BSG: variants seen among roughly 807,000 people sequenced by gnomAD.
BSG encodes the protein basigin.
A neutral mutation model predicts 43.1 loss-of-function variants in BSG; 37 were observed. That is an observed-to-expected ratio of 0.86 (90% CI 0.66 to 1.13). BSG has a LOEUF of 1.13. BSG is among the 50% of genes most tolerant of loss of function. The probability of loss-of-function intolerance (pLI) is 0.00; values close to 1 mark genes in which losing one functional copy is unlikely to be tolerated. For synonymous variants in BSG, 309 were observed against 238.7 expected (o/e 1.29, Z -2.72); for missense variants, 599 against 554.2 (o/e 1.08, Z -0.81).
At chr19:572,242 G>A (rs1981301716), upstream of BSG, 2 of 343,592 alleles carry the variant, frequency 5.8e-6, no homozygotes, top group African/African-American at 2.2e-5. Context: ...GCCGGCCCGT[G>A]TTTAACTCAG....
Position 582,867 on chromosome 19 carries a change from T to C in BSG, c.*123T>C, listed in dbSNP as rs1982459458. 1 of 495,446 alleles carries C rather than the reference T, an allele frequency of 2.0e-6. No individual in the cohort carries two copies. The highest frequency in any genetic ancestry group is 3.8e-5 in the Admixed American group (1 of 26,188). 30.7% of individuals were successfully genotyped at this position (495,446 alleles called of 1,614,324 possible). The stretch of plus-strand genomic sequence containing the variant: ...AAACCCACCCCGTAGATTCCCATCA[T>C]ACACTTCCTTCTTTTTTAAAAAAGT... On this transcript the variant is annotated 3_prime_UTR_variant, in exon 9 of 9. Transcript: ENST00000333511.
intron 2 of BSG, 104 bp downstream of exon 2, chr19:578,225 G>A (rs937077690): frequency 1.1e-4 from 136 of 1,208,400 alleles, no homozygotes; most frequent in Middle Eastern, 2.2e-4. Context: ...TCCCCTCTCC[G>A]TCCCGCTGTG....
chr19:578,449 T>C (rs1981980970), intron 2 of BSG, among the ~76,000 whole-genome samples: 1 of 152,256 alleles, frequency 6.6e-6, no homozygotes, highest in Non-Finnish European at 1.5e-5. Context: ...GCGTCCATAC[T>C]GCAAGCCTGA....
intron 1 of BSG, among the ~76,000 whole-genome samples, chr19:574,038 T>C (rs1358150173): frequency 7.1e-6 from 1 of 140,406 alleles, no homozygotes; most frequent in Non-Finnish European, 1.5e-5. Context: ...GTGGATCACC[T>C]GAGGTCAGGA....
At chr19:578,293 C>T (rs1408946595) in intron 2 of BSG, 172 bp downstream of exon 2, 17 of 631,316 alleles carry the variant, frequency 2.7e-5, no homozygotes, top group African/African-American at 3.8e-5. Context: ...GTGGGCTCGC[C>T]GCCTGACCAC....
At chr19:572,461 C>A (rs561149009), upstream of BSG, 1 of 1,161,178 alleles carries the variant, frequency 8.6e-7, no homozygotes, top group Admixed American at 4.7e-5. Context: ...CGCGTACATG[C>A]GAGCGTGTGC....
At chr19:574,604 G>A (rs1981602467) in intron 1 of BSG, among the ~76,000 whole-genome samples, 1 of 152,190 alleles carries the variant, frequency 6.6e-6, no homozygotes, top group Non-Finnish European at 1.5e-5. Context: ...GGAACAAGGT[G>A]CAGAGCTGGA....
At position 581,069 on chromosome 19, in the gene BSG, CA is replaced by C. The variant is rs71334826; in HGVS notation, c.793-245del. 7.6e-4 allele frequency among the ~76,000 whole-genome samples: 52 copies of C among 68,046 alleles called. 14 individuals carry two copies. Among genetic ancestry groups the C allele is most frequent in the African/African-American group, 4.5e-3 (49 of 10,892 alleles). 44.6% of individuals were successfully genotyped at this position (68,046 alleles called of 152,430 possible). A position where few individuals can be genotyped will look rare whatever the true frequency, so the allele number is the denominator to read the frequency against. ...CCCAGCCCTCTGGACTGCAGCCCTC[CA>C]GACTGGGTGAGGGGCCTAGACTGGG... On this transcript the variant is annotated intron_variant, in intron 5 of 8. Coordinates refer to ENST00000333511, the MANE Select transcript of BSG (RefSeq NM_001728.4).
intron 7 of BSG, 45 bp from the exon 8 acceptor site, chr19:582,469 G>T (rs1157018339): frequency 6.2e-7 from 1 of 1,602,788 alleles, no homozygotes; most frequent in East Asian, 2.2e-5. Context: ...CTTGGAGAGA[G>T]TGACTTGCGG....
At position 580,671 on chromosome 19, in the gene BSG, G is replaced by C; in HGVS notation, c.681G>C (p.Lys227Asn). The C allele has an allele frequency of 6.2e-7, 1 of 1,612,876 alleles. No homozygotes were observed. Among genetic ancestry groups the C allele is most frequent in the Non-Finnish European group, 8.5e-7 (1 of 1,179,978 alleles). The stretch of plus-strand genomic sequence containing the variant: ...GGCCTCCCAGAGTGAAGGCTGTGAA[G>C]TCGTCAGAACACATCAACGAGGGGG... ...LHGPPRVKAV[K>N]SSEHINEGET... Residue 227 changes from lysine (K) to asparagine (N), a missense_variant, in exon 5 of 9, where the codon AAG becomes AAC. By Grantham distance (94) the Lys-to-Asn change is moderately conservative. Transcript: ENST00000333511.
In BSG at chr19:576,759, AAAAG is replaced by A. The variant is rs1385126087; in HGVS notation, c.68-1012_68-1009del. On this transcript the variant is annotated intron_variant, in intron 1 of 8. Transcript: ENST00000333511. ...GTGAGACTCTGTCTCAAAAAAAAAA[AAAAG>A]AAGAAGAGGAGAAAGAAAATGGCGC... Among the ~76,000 whole-genome samples, 58 of 140,518 alleles carry A rather than the reference AAAAG, an allele frequency of 4.1e-4. No homozygotes were observed. The South Asian group carries it at 4.7e-3, about 11-fold the overall frequency. 92.2% of individuals were successfully genotyped at this position (140,518 alleles called of 152,430 possible).
At chr19:575,998 G>A (rs889639193) in intron 1 of BSG, among the ~76,000 whole-genome samples, 6 of 152,166 alleles carry the variant, frequency 3.9e-5, no homozygotes, top group South Asian at 4.1e-4. Flanking sequence ...ATCAGCATCC[G>A]GAGGGACACA....
In BSG at chr19:579,676, A is replaced by T. The variant is rs1982113697; in HGVS notation, c.572+20A>T. On this transcript the variant is annotated intron_variant, in intron 3 of 8. Coordinates refer to ENST00000333511, the MANE Select transcript of BSG (RefSeq NM_001728.4). ...GTTCAAGTGAGTGCCTGACCACGCC[A>T]TGCCGCCACCTGCCCCTTCTCACGG... 1 of 1,589,174 alleles carries T rather than the reference A, an allele frequency of 6.3e-7. No homozygotes were observed. Among genetic ancestry groups the T allele is most frequent in the African/African-American group, 1.3e-5 (1 of 74,528 alleles).
In BSG at chr19:581,295, C is replaced by G. The variant is rs750147115; in HGVS notation, c.793-20C>G. ...CTAGACTGGGGGTCCTGGACTCAGCCCTTGCCTTTGGTCCCCTAGGCCCTC... is the reference window on the plus strand; with the variant it reads ...CTAGACTGGGGGTCCTGGACTCAGCGCTTGCCTTTGGTCCCCTAGGCCCTC... On this transcript the variant is annotated intron_variant, in intron 5 of 8. Coordinates refer to ENST00000333511, the MANE Select transcript of BSG (RefSeq NM_001728.4). The G allele has an allele frequency of 1.2e-6, 2 of 1,603,518 alleles. No individual in the cohort carries two copies. Among genetic ancestry groups the G allele is most frequent in the Non-Finnish European group, 1.7e-6 (2 of 1,173,964 alleles).
At chr19:574,995 G>A (rs537692667) in intron 1 of BSG, 1 of 152,408 alleles carries the variant, frequency 6.6e-6, no homozygotes, top group Admixed American at 6.5e-5. Flanking sequence ...GTGGGTGAAA[G>A]ACCTTTGGTC....
At chr19:582,478 G>T (rs746705330) in intron 7 of BSG, 36 bp from the exon 8 acceptor site, 119 of 1,604,076 alleles carry the variant, frequency 7.4e-5, no homozygotes, top group Non-Finnish European at 9.7e-5. Flanking sequence ...AGTGACTTGC[G>T]GGGGACACCC....
At chr19:574,572 AT>A (rs1849999174) in intron 1 of BSG, among the ~76,000 whole-genome samples, 3 of 152,036 alleles carry the variant, frequency 2.0e-5, no homozygotes, top group Non-Finnish European at 2.9e-5. Flanking sequence ...CAAAAAAAAA[AT>A]TTATTGTGAC....
rs1459428172 is a variant in BSG, at chr19:583,193, G to A, written c.*449G>A. The A allele has an allele frequency of 6.5e-6, 1 of 154,052 alleles. No individual in the cohort carries two copies. Among genetic ancestry groups the A allele is most frequent in the East Asian group, 1.9e-4 (1 of 5,208 alleles). 9.5% of individuals were successfully genotyped at this position (154,052 alleles called of 1,614,324 possible). ...AATTTTATGAGGGCCACGGGTCTGT[G>A]TTCGACTCAGCCTCAGGGACGACTC... On this transcript the variant is annotated 3_prime_UTR_variant, in exon 9 of 9. Transcript: ENST00000333511.
At position 578,136 on chromosome 19, in the gene BSG, C is replaced by G; in HGVS notation, c.415+15C>G. 3 of 1,518,380 alleles carry G rather than the reference C, an allele frequency of 2.0e-6. No individual in the cohort carries two copies. The highest frequency in any genetic ancestry group is 2.7e-6 in the Non-Finnish European group (3 of 1,127,978). The allele number at this position is 1,518,380 out of a possible 1,614,324, so 94.1% of individuals were successfully genotyped here. Reference sequence around the variant, plus strand: ...AGTCCTGGAACGTGAGTGGCGGGCACCTCCCTCCCCGCCTCCCTCAGTTTC... The same window carrying G: ...AGTCCTGGAACGTGAGTGGCGGGCAGCTCCCTCCCCGCCTCCCTCAGTTTC... On this transcript the variant is annotated intron_variant, in intron 2 of 8. Coordinates refer to ENST00000333511, the MANE Select transcript of BSG (RefSeq NM_001728.4).
Sources: allele counts gnomAD v4.1 joint callset (sites outside exome capture counted in the v4.1 genomes callset), GRCh38; gene constraint gnomAD v4.1.1; transcripts MANE v1.5; gene names NCBI Gene and HGNC (gene_info 2026-07-23, HGNC 2026-07-21).